The following SORCS3 variants were observed in gnomAD, a reference collection of about 807,000 sequenced individuals.
SORCS3 encodes the protein VPS10 domain-containing receptor SorCS3.
In SORCS3, 57 loss-of-function variants were observed where a neutral mutation model predicts 146.3. That is an observed-to-expected ratio of 0.39 (90% confidence interval 0.31 to 0.49). The LOEUF (loss-of-function observed/expected upper bound fraction) is 0.49. Ranked by LOEUF, SORCS3 falls within the 20% of genes least tolerant of loss-of-function variation. SORCS3 has a pLI of 0.92. For missense variants in SORCS3, 1,341 were observed against 1,575.5 expected (o/e 0.85, Z 2.52); for synonymous variants, 653 against 618.5 (o/e 1.06, Z -0.83).
intron 2 of SORCS3, among the ~76,000 whole-genome samples, chr10:104,905,258 C>T (rs966094543): frequency 2.0e-5 from 3 of 152,140 alleles, no homozygotes; most frequent in African/African-American, 7.2e-5. Flanking sequence ...GGACCCAAAA[C>T]GAGATGAAGT....
Position 105,214,595 on chromosome 10 carries a change from C to T in SORCS3, c.2529C>T (p.Phe843=), listed in dbSNP as rs781701940. 3.1e-6 allele frequency: 5 copies of T among 1,591,992 alleles called. No individual in the cohort carries two copies. The highest frequency in any genetic ancestry group is 2.3e-5 in the South Asian group (2 of 87,448). ...LVAEQGHNAT[F]IILMEEGDLQ... ...CAGAGCAGGGGCACAATGCAACTTTCATCATCCTCATGGAGGAGGTAGGTG... is the reference window on the plus strand; with the variant it reads ...CAGAGCAGGGGCACAATGCAACTTTTATCATCCTCATGGAGGAGGTAGGTG... The change falls in exon 18 of 27, where the codon TTC becomes TTT. Residue 843 remains phenylalanine, a synonymous_variant. Coordinates refer to ENST00000369701, the MANE Select transcript of SORCS3 (RefSeq NM_014978.3).
intron 2 of SORCS3, among the ~76,000 whole-genome samples, chr10:104,900,371 A>C (rs1236247909): frequency 6.6e-6 from 1 of 152,176 alleles, no homozygotes; most frequent in Non-Finnish European, 1.5e-5. Context: ...TGCAACCTAC[A>C]GTCATCCAGG....
At chr10:104,848,196 C>T (rs2018229362) in intron 2 of SORCS3, among the ~76,000 whole-genome samples, 1 of 152,156 alleles carries the variant, frequency 6.6e-6, no homozygotes, top group Non-Finnish European at 1.5e-5. Flanking sequence ...TGTCCCTTTC[C>T]ATGTATTGAG....
At chr10:104,836,658 C>G (rs929373869) in intron 1 of SORCS3, among the ~76,000 whole-genome samples, 10 of 152,144 alleles carry the variant, frequency 6.6e-5, no homozygotes, top group Non-Finnish European at 1.3e-4. Context: ...TTAATCAAAT[C>G]ATTACTGACT....
intron 20 of SORCS3, among the ~76,000 whole-genome samples, chr10:105,233,157 T>A (rs1447317717): frequency 1.3e-5 from 2 of 152,054 alleles, no homozygotes; most frequent in Admixed American, 1.3e-4. Flanking sequence ...GAATTTGCTA[T>A]ATACACTTAC....
chr10:104,790,368 G>A (rs2017482889), intron 1 of SORCS3, among the ~76,000 whole-genome samples: 1 of 152,194 alleles, frequency 6.6e-6, no homozygotes, highest in South Asian at 2.1e-4. Flanking sequence ...AAGGTGGTTA[G>A]AGAAAAGGAA....
At chr10:104,691,401 C>T (rs561073855) in intron 1 of SORCS3, among the ~76,000 whole-genome samples, 1 of 152,340 alleles carries the variant, frequency 6.6e-6, no homozygotes, top group Non-Finnish European at 1.5e-5. Flanking sequence ...GAAGTCTTTG[C>T]TGGATTAGCA....
intron 1 of SORCS3, among the ~76,000 whole-genome samples, chr10:104,819,934 T>C (rs1213020178): frequency 6.6e-6 from 1 of 152,112 alleles, no homozygotes; most frequent in African/African-American, 2.4e-5. Flanking sequence ...AAACCTGCCG[T>C]TTATTGTGTT....
intron 5 of SORCS3, among the ~76,000 whole-genome samples, chr10:105,058,777 A>C (rs1446172036): frequency 6.6e-6 from 1 of 152,190 alleles, no homozygotes; most frequent in Non-Finnish European, 1.5e-5. Flanking sequence ...ACCGGCAGTG[A>C]ATACCTGAGG....
chr10:105,214,616 A>G lies in SORCS3; in HGVS notation c.2547+3A>G, dbSNP rs1393140728. 6.4e-7 allele frequency: 1 copy of G among 1,570,882 alleles called. No individual in the cohort carries two copies. Among genetic ancestry groups the G allele is most frequent in the Non-Finnish European group, 8.6e-7 (1 of 1,158,652 alleles). On this transcript the variant is annotated splice_donor_region_variant and intron_variant, in intron 18 of 26. Transcript: ENST00000369701. ...CTTTCATCATCCTCATGGAGGAGGT[A>G]GGTGCTCAACTGGGTCTCTGAGGTC... is the stretch of plus-strand genomic sequence containing the variant.
At chr10:104,863,430 A>G (rs1470931259) in intron 2 of SORCS3, among the ~76,000 whole-genome samples, 1 of 152,116 alleles carries the variant, frequency 6.6e-6, no homozygotes, top group Non-Finnish European at 1.5e-5. Context: ...GTTTTCTCCC[A>G]TAGCTGTTCT....
At chr10:104,993,912 G>T (rs1315213357) in intron 4 of SORCS3, among the ~76,000 whole-genome samples, 1 of 152,122 alleles carries the variant, frequency 6.6e-6, no homozygotes, top group African/African-American at 2.4e-5. Flanking sequence ...CTACTCAATA[G>T]CAGAGTCTGA....
intron 4 of SORCS3, among the ~76,000 whole-genome samples, chr10:105,000,211 C>T (rs1406113490): frequency 1.3e-5 from 2 of 152,064 alleles, no homozygotes; most frequent in African/African-American, 2.4e-5. Context: ...TATTAAGTAC[C>T]TAATCTATAT....
intron 2 of SORCS3, among the ~76,000 whole-genome samples, chr10:104,858,989 T>C (rs2018369168): frequency 6.6e-6 from 1 of 151,438 alleles, no homozygotes; most frequent in South Asian, 2.1e-4. Flanking sequence ...TAGACTCTTA[T>C]GCTGGAAAAG....
chr10:105,146,608 G>T (rs541126305), intron 8 of SORCS3, among the ~76,000 whole-genome samples: 3 of 152,122 alleles, frequency 2.0e-5, no homozygotes, highest in African/African-American at 7.2e-5. Context: ...TCATCAGTTT[G>T]AAATCTCTAA....
At chr10:105,188,308 C>A (rs2056491956) in intron 14 of SORCS3, among the ~76,000 whole-genome samples, 14 of 152,052 alleles carry the variant, frequency 9.2e-5, no homozygotes. Flanking sequence ...AAAGGGAAAT[C>A]ATTTATCAAA....
intron 18 of SORCS3, among the ~76,000 whole-genome samples, chr10:105,216,601 A>G (rs1361845047): frequency 9.9e-5 from 15 of 152,164 alleles, no homozygotes; most frequent in Admixed American, 9.8e-4. Flanking sequence ...TATTATTATG[A>G]CACAAAAGGA....
intron 2 of SORCS3, among the ~76,000 whole-genome samples, chr10:104,906,408 G>A (rs1351579987): frequency 6.6e-6 from 1 of 152,186 alleles, no homozygotes; most frequent in Non-Finnish European, 1.5e-5. Context: ...TCCACTGGGG[G>A]TTATGTAGCT....
chr10:104,737,041 G>C (rs1165144462), intron 1 of SORCS3, among the ~76,000 whole-genome samples: 1 of 149,684 alleles, frequency 6.7e-6, no homozygotes, highest in Non-Finnish European at 1.5e-5. Flanking sequence ...TTGGTTTTTT[G>C]TCCTTGCGAT....
Sources: allele counts gnomAD v4.1 joint callset (sites outside exome capture counted in the v4.1 genomes callset), GRCh38; gene constraint gnomAD v4.1.1; transcripts MANE v1.5; gene names NCBI Gene and HGNC (gene_info 2026-07-23, HGNC 2026-07-21).